DPH1: variants seen among roughly 807,000 people sequenced by gnomAD.
The protein encoded by DPH1 is 2-(3-amino-3-carboxypropyl)histidine synthase subunit 1.
In DPH1, 59 loss-of-function variants were observed where a neutral mutation model predicts 55.3. The observed-to-expected ratio is 1.07, with a 90% CI of 0.87 to 1.33. DPH1 has a LOEUF of 1.33. Ranked by LOEUF, DPH1 falls within the 40% of genes most tolerant of loss-of-function variation. The pLI is 0.00. For synonymous variants in DPH1, 238 were observed against 235.5 expected, an observed-to-expected ratio of 1.01 and a Z score of -0.10; for missense variants, 628 against 584.8, an observed-to-expected ratio of 1.07 and a Z score of -0.76.
At chr17:2,035,202 C>T (rs1597278579) in intron 3 of DPH1, among the ~76,000 whole-genome samples, 1 of 152,074 alleles carries the variant, frequency 6.6e-6, no homozygotes, top group African/African-American at 2.4e-5. Context: ...GGTTCTCCTC[C>T]ATTCCTAGGG....
rs1363741630 is a variant in DPH1, at chr17:2,041,126, GTC to G, written c.1036_1037del (p.Ser346HisfsTer2). The G allele has an allele frequency of 1.2e-6, 2 of 1,604,764 alleles. No homozygotes were observed. Among genetic ancestry groups the G allele is most frequent in the South Asian group, 1.1e-5 (1 of 89,336 alleles). On this transcript the variant is annotated frameshift_variant, in exon 10 of 13. Coordinates refer to ENST00000263083, the MANE Select transcript of DPH1 (RefSeq NM_001383.6). LOFTEE classifies it high-confidence loss of function. ...AGGTGGGTGCAGGTGGCATGTCCAC[GTC>G]TCTCCATTGACTGGGGCACAGCCTT...
chr17:2,035,187 G>A (rs2067394470), intron 3 of DPH1, among the ~76,000 whole-genome samples: 1 of 152,138 alleles, frequency 6.6e-6, no homozygotes, highest in South Asian at 2.1e-4. Flanking sequence ...TTTCAAGGAA[G>A]AGGGGGTTCT....
At position 2,030,211 on chromosome 17, in the gene DPH1, C is replaced by G. The variant is rs1280196075; in HGVS notation, c.42C>G (p.Gly14=). 6.3e-7 allele frequency: 1 copy of G among 1,594,042 alleles called. No individual in the cohort carries two copies. Among genetic ancestry groups the G allele is most frequent in the African/African-American group, 1.3e-5 (1 of 74,926 alleles). ...TATCCGGGGCAGCGGAGCAGGGCGG[C>G]CGAGACGGCCCTGGCAGAGGTGGGT... ...LVVSGAAEQG[G]RDGPGRGRAP... Residue 14 remains glycine, a synonymous_variant, in exon 1 of 13, where the codon GGC becomes GGG. Coordinates refer to ENST00000263083, the MANE Select transcript of DPH1 (RefSeq NM_001383.6).
At position 2,030,167 on chromosome 17, in the gene DPH1, G is replaced by T. The variant is rs1458186644; in HGVS notation, c.-3G>T. On this transcript the variant is annotated 5_prime_UTR_variant, in exon 1 of 13. Transcript: ENST00000263083. ...TTTTTAGTACCACATGCGCAGGCAG[G>T]TGATGGCGGCGCTGGTCGTATCCGG... 1 of 1,603,020 alleles carries T rather than the reference G, an allele frequency of 6.2e-7. No homozygotes were observed. Among genetic ancestry groups the T allele is most frequent in the South Asian group, 1.1e-5 (1 of 88,706 alleles).
Position 2,043,049 on chromosome 17 carries a change from C to A in DPH1, c.*463C>A, listed in dbSNP as rs201370540. On this transcript the variant is annotated 3_prime_UTR_variant, in exon 13 of 13. Coordinates refer to ENST00000263083, the MANE Select transcript of DPH1 (RefSeq NM_001383.6). ...CACTCTGGTGGCCACTTCATTCCAG[C>A]AGCTGCACCCCAGCGTCAGGCCTAC... The A allele has an allele frequency of 3.5e-5, 57 of 1,613,916 alleles. No homozygotes were observed. The highest frequency in any genetic ancestry group is 4.7e-5 in the Non-Finnish European group (55 of 1,180,032).
intron 1 of DPH1, among the ~76,000 whole-genome samples, chr17:2,030,459 A>G (rs1348678819): frequency 2.0e-5 from 3 of 152,214 alleles, no homozygotes; most frequent in Admixed American, 6.5e-5. Context: ...TAATCCTCCA[A>G]TCGGAAACTA....
intron 1 of DPH1, among the ~76,000 whole-genome samples, chr17:2,032,012 G>C (rs868807884): frequency 6.6e-6 from 1 of 152,092 alleles, no homozygotes; most frequent in Non-Finnish European, 1.5e-5. Flanking sequence ...AGGAGCAATG[G>C]GACAGCTAAG....
Position 2,042,651 on chromosome 17 carries a change from G to GC in DPH1, c.*66dup, listed in dbSNP as rs1459389762. On this transcript the variant is annotated 3_prime_UTR_variant, in exon 13 of 13. Transcript: ENST00000263083. ...AGCCTCGAGGCTGGTGGTTTTCAGA[G>GC]CAGGAGGCCGACGTTTTCTCCGCAT... 1 of 1,524,210 alleles carries GC rather than the reference G, an allele frequency of 6.6e-7. No homozygotes were observed. Among genetic ancestry groups the GC allele is most frequent in the Non-Finnish European group, 8.8e-7 (1 of 1,139,860 alleles). The allele number at this position is 1,524,210 out of a possible 1,614,324, so 94.4% of individuals were successfully genotyped here. A position where few individuals can be genotyped will look rare whatever the true frequency, so the allele number is the denominator to read the frequency against.
At chr17:2,041,990 G>A in intron 12 of DPH1, 115 bp downstream of exon 12, 8 of 1,491,102 alleles carry the variant, frequency 5.4e-6, no homozygotes, top group South Asian at 3.7e-5. Flanking sequence ...CCCGTGCATT[G>A]TGCTTCCGCT....
Position 2,041,579 on chromosome 17 carries a change from G to A in DPH1, c.1185G>A (p.Gln395=). The change falls in exon 11 of 13, where the codon CAG becomes CAA. Residue 395 remains glutamine (Q), a synonymous_variant. Coordinates refer to ENST00000263083, the MANE Select transcript of DPH1 (RefSeq NM_001383.6). ...SLGPWTVNHG[Q]DRRPHAPGRP... Reference sequence around the variant, plus strand: ...GGCCCTGGACGGTGAACCACGGCCAGGACCGCCGTCCCCACGCCCCGGGCC... The same window carrying A: ...GGCCCTGGACGGTGAACCACGGCCAAGACCGCCGTCCCCACGCCCCGGGCC... 7 of 1,610,662 alleles carry A rather than the reference G, an allele frequency of 4.3e-6. No homozygotes were observed. The highest frequency in any genetic ancestry group is 5.9e-6 in the Non-Finnish European group (7 of 1,178,748).
intron 1 of DPH1, among the ~76,000 whole-genome samples, chr17:2,032,812 C>T (rs895912854): frequency 1.3e-5 from 2 of 152,184 alleles, no homozygotes; most frequent in South Asian, 2.1e-4. Context: ...GGCGTGATCT[C>T]GGCTCACTGC....
chr17:2,041,388 T>C lies in DPH1; in HGVS notation c.1087-93T>C. On this transcript the variant is annotated intron_variant, in intron 10 of 12. Coordinates refer to ENST00000263083, the MANE Select transcript of DPH1 (RefSeq NM_001383.6). ...TTCCCTTCTGTGGCAGGGGACAGTG[T>C]GCCCTTCACAGGCCGTCGTGAGGAC... 29 of 1,527,842 alleles carry C rather than the reference T, an allele frequency of 1.9e-5. No homozygotes were observed. The South Asian group carries it at 3.5e-4, about 19-fold the overall frequency. The allele number at this position is 1,527,842 out of a possible 1,614,324, so 94.6% of individuals were successfully genotyped here.
At chr17:2,041,971 C>T in intron 12 of DPH1, 96 bp downstream of exon 12, 2 of 1,497,090 alleles carry the variant, frequency 1.3e-6, no homozygotes, top group Non-Finnish European at 1.8e-6. Context: ...TGCTGACGTT[C>T]GGTTCCGCCC....
At chr17:2,042,369 C>T (rs1383954023) in intron 12 of DPH1, 3 of 1,323,608 alleles carry the variant, frequency 2.3e-6, no homozygotes, top group Admixed American at 3.6e-5. Flanking sequence ...TCTCGCGACC[C>T]ATACCCTCTT....
At position 2,036,068 on chromosome 17, in the gene DPH1, T is replaced by G. The variant is rs1328883333; in HGVS notation, c.377T>G (p.Val126Gly). 8 of 1,613,814 alleles carry G rather than the reference T, an allele frequency of 5.0e-6. No homozygotes were observed. Among genetic ancestry groups the G allele is most frequent in the Non-Finnish European group, 6.8e-6 (8 of 1,179,934 alleles). The change falls in exon 4 of 13, where the codon GTG becomes GGG. Residue 126 changes from valine (V) to glycine (G), a missense_variant. Val to Gly is a moderately radical substitution (Grantham distance 109). Transcript: ENST00000263083. This position sits in a 1 kb window ranked among gnomAD's most constrained non-coding sequence, Gnocchi z 4.8. ...AGGGCCCTGGGAGCTGACTTCTTGG[T>G]GCACTACGGCCACAGTTGCCTGAGT... is the stretch of plus-strand genomic sequence containing the variant. ...TARALGADFLVHYGHSCLIPM... is the reference protein window; with the variant it reads ...TARALGADFLGHYGHSCLIPM...
rs147330096 is a variant in DPH1 at position 2,042,912 on chromosome 17, A to G, written c.*326A>G. On this transcript the variant is annotated 3_prime_UTR_variant, in exon 13 of 13. Transcript: ENST00000263083. The stretch of plus-strand genomic sequence containing the variant: ...TTGGGTTCAAGGAATCCATCCTGCA[A>G]AGGCCCTTGTCATTGCCTTCGCTCC... 5.6e-6 allele frequency: 9 copies of G among 1,614,164 alleles called. No individual in the cohort carries two copies. Among genetic ancestry groups the G allele is most frequent in the East Asian group, 2.2e-5 (1 of 44,888 alleles).
Position 2,037,000 on chromosome 17 carries a change from G to T in DPH1, c.680+44G>T, listed in dbSNP as rs755795973. The T allele has an allele frequency of 3.1e-6, 5 of 1,588,602 alleles. No homozygotes were observed. In the Admixed American group the frequency reaches 7.2e-5, roughly 23 times the overall value. ...CCAAGTAAGTCCTAGAGACATGCGT[G>T]TACCCTGGGAGGGAGCCTGAGGTTC... On this transcript the variant is annotated intron_variant, in intron 6 of 12. Transcript: ENST00000263083. This position sits in a 1 kb window ranked among gnomAD's most constrained non-coding sequence, Gnocchi z 4.8.
intron 6 of DPH1, among the ~76,000 whole-genome samples, chr17:2,037,669 G>C (rs890671663): frequency 3.3e-5 from 5 of 152,248 alleles, no homozygotes; most frequent in African/African-American, 1.2e-4. Context: ...GACACCCTGA[G>C]TGTTAGCCAT....
rs997907841 is a variant in DPH1 at position 2,036,582 on chromosome 17, A to G, written c.454A>G (p.Ile152Val). 1.2e-6 allele frequency: 2 copies of G among 1,613,918 alleles called. No homozygotes were observed. Among genetic ancestry groups the G allele is most frequent in the East Asian group, 2.2e-5 (1 of 44,886 alleles). Residue 152 changes from isoleucine (I) to valine (V), a missense_variant, in exon 5 of 13, where the codon ATC becomes GTC. Ile to Val is a conservative substitution (Grantham distance 29). Coordinates refer to ENST00000263083, the MANE Select transcript of DPH1 (RefSeq NM_001383.6). The surrounding 1 kb of genome is among the most constrained non-coding windows in gnomAD (Gnocchi z 4.8). The stretch of plus-strand genomic sequence containing the variant: ...CCGGGTGCTGTACGTCTTTGTGGAC[A>G]TCCGGATAGACACTACACACCTCCT... ...DFRVLYVFVD[I>V]RIDTTHLLDS...
Sources: allele counts gnomAD v4.1 joint callset (sites outside exome capture counted in the v4.1 genomes callset), GRCh38; gene constraint gnomAD v4.1.1; non-coding constraint Gnocchi (gnomAD v3.1); transcripts MANE v1.5; gene names NCBI Gene and HGNC (gene_info 2026-07-23, HGNC 2026-07-21).